Variants in BFSP2 observed in about 807,000 individuals in gnomAD.
BFSP2 encodes the protein phakinin.
Under a neutral mutation model 44.9 loss-of-function variants are expected in BFSP2, and 38 were observed. That is an observed-to-expected ratio of 0.85 (90% CI 0.65 to 1.11). The LOEUF (loss-of-function observed/expected upper bound fraction) is 1.11. BFSP2 is among the 50% of genes least tolerant of loss of function. The pLI, the probability that BFSP2 is intolerant of heterozygous loss-of-function variation, is 0.00. For synonymous variants in BFSP2, 197 were observed against 209.9 expected, an observed-to-expected ratio of 0.94 and a Z score of 0.53; for missense variants, 525 against 533.0, an observed-to-expected ratio of 0.99 and a Z score of 0.15.
chr3:133,415,264 TGCTCTACTCA>T (rs2073508972), intron 1 of BFSP2, among the ~76,000 whole-genome samples: 1 of 27,940 alleles, frequency 3.6e-5, no homozygotes, highest in East Asian at 1.2e-3. Context: ...CTGCCCCCTC[TGCTCTACTCA>T]CCCCTCTACT....
chr3:133,463,123 AC>A (rs1478941449), intron 4 of BFSP2, among the ~76,000 whole-genome samples: 7 of 152,334 alleles, frequency 4.6e-5, no homozygotes, highest in Non-Finnish European at 7.3e-5. Context: ...AGCCTGGCCA[AC>A]ATGGAGAAAC....
At chr3:133,407,151 G>A (rs1051576186) in intron 1 of BFSP2, among the ~76,000 whole-genome samples, 4 of 152,178 alleles carry the variant, frequency 2.6e-5, no homozygotes, top group Non-Finnish European at 4.4e-5. Context: ...AGAGGGTGAA[G>A]CAGGGGGATT....
intron 4 of BFSP2, among the ~76,000 whole-genome samples, chr3:133,461,858 C>G (rs1284177522): frequency 6.6e-6 from 1 of 152,232 alleles, no homozygotes; most frequent in Non-Finnish European, 1.5e-5. Flanking sequence ...AGGTCTTTAA[C>G]ACCTCTGTTG....
rs541037518 is a variant in BFSP2 at position 133,449,880 on chromosome 3, C to A, written c.730-423C>A. On this transcript the variant is annotated intron_variant, in intron 3 of 6. Transcript: ENST00000302334. The stretch of plus-strand genomic sequence containing the variant: ...CTCCAGCCTGGGTGACAGAGTGAGA[C>A]CCTGTCAAAAAAAAGAAGGAAGGAA... Among the ~76,000 whole-genome samples, 38 of 148,316 alleles carry A rather than the reference C, an allele frequency of 2.6e-4. No individual in the cohort carries two copies. The South Asian group carries it at 8.1e-3, about 32-fold the overall frequency.
chr3:133,448,957 G>T, intron 3 of BFSP2: 1 of 350,512 alleles, frequency 2.9e-6, no homozygotes, highest in Non-Finnish European at 5.4e-6. Context: ...TGCATTCTAT[G>T]TCAGGTTTTT....
At chr3:133,467,773 C>T (rs1463941664) in intron 5 of BFSP2, among the ~76,000 whole-genome samples, 1 of 152,148 alleles carries the variant, frequency 6.6e-6, no homozygotes, top group Non-Finnish European at 1.5e-5. Context: ...ACTACAGCTT[C>T]GTTGGTGCAA....
chr3:133,438,893 A>G (rs563396492), intron 1 of BFSP2, among the ~76,000 whole-genome samples: 159 of 152,356 alleles, frequency 1.0e-3, no homozygotes, highest in African/African-American at 3.7e-3. Flanking sequence ...CTACCTTTAT[A>G]TATAGTTATA....
intron 6 of BFSP2, among the ~76,000 whole-genome samples, chr3:133,474,605 A>G (rs578243154): frequency 2.9e-4 from 44 of 152,340 alleles, no homozygotes; most frequent in African/African-American, 1.0e-3. Flanking sequence ...CACAAAGTCA[A>G]TTTAAACAAA....
At chr3:133,421,383 C>A (rs11712866) in intron 1 of BFSP2, among the ~76,000 whole-genome samples, 3 of 152,088 alleles carry the variant, frequency 2.0e-5, no homozygotes, top group Non-Finnish European at 2.9e-5. Flanking sequence ...GGGAGAGAAT[C>A]GGTCCCAGGC....
chr3:133,453,408 C>T lies in BFSP2; in HGVS notation c.891+2944C>T, dbSNP rs116025461. Among the ~76,000 whole-genome samples, 447 of 152,298 alleles carry T rather than the reference C, an allele frequency of 2.9e-3. 4 individuals are homozygous for T. The highest frequency in any genetic ancestry group is 0.01 in the African/African-American group (423 of 41,552). On this transcript the variant is annotated intron_variant, in intron 4 of 6. Transcript: ENST00000302334. ...ATTAATTTATATCTTAGTTTAGGTT[C>T]CTTCAGAAGCAGATCCTGAAACAAA...
At chr3:133,448,184 T>C (rs1362493986) in intron 2 of BFSP2, among the ~76,000 whole-genome samples, 2 of 152,240 alleles carry the variant, frequency 1.3e-5, no homozygotes, top group Non-Finnish European at 2.9e-5. Flanking sequence ...AGGATAGCGA[T>C]GAAGATGCCG....
chr3:133,417,429 T>C (rs1424172019), intron 1 of BFSP2, among the ~76,000 whole-genome samples: 4 of 31,926 alleles, frequency 1.3e-4, no homozygotes, highest in African/African-American at 2.6e-4. Context: ...ACCCTCTCCC[T>C]TCTACTCACC....
chr3:133,471,367 G>A (rs1342018246), intron 5 of BFSP2, among the ~76,000 whole-genome samples: 3 of 152,136 alleles, frequency 2.0e-5, no homozygotes, highest in Non-Finnish European at 4.4e-5. Flanking sequence ...ATATACAGGA[G>A]GCCATGATGG....
chr3:133,400,638 A>G lies in BFSP2; in HGVS notation c.489+66A>G. 2.6e-6 allele frequency: 4 copies of G among 1,549,940 alleles called. No individual in the cohort carries two copies. The highest frequency in any genetic ancestry group is 3.5e-6 in the Non-Finnish European group (4 of 1,147,542). On this transcript the variant is annotated intron_variant, in intron 1 of 6. Transcript: ENST00000302334. This position sits in a 1 kb window ranked among gnomAD's most constrained non-coding sequence, Gnocchi z 4.0. Reference sequence around the variant, plus strand: ...GGAGGGGCTGCTGAAGGCAGCGGGTAGGGTTGTGAGTAGGCTGAGGCCAGA... The same window carrying G: ...GGAGGGGCTGCTGAAGGCAGCGGGTGGGGTTGTGAGTAGGCTGAGGCCAGA...
chr3:133,466,315 T>C (rs997479381), intron 4 of BFSP2, among the ~76,000 whole-genome samples: 1 of 152,134 alleles, frequency 6.6e-6, no homozygotes, highest in African/African-American at 2.4e-5. Context: ...TTGTATTTCA[T>C]TTGCAGGCAT....
intron 1 of BFSP2, chr3:133,410,358 T>C (rs569873142): frequency 2.4e-4 from 78 of 329,872 alleles, no homozygotes; most frequent in South Asian, 2.1e-3. Context: ...GACATGACTG[T>C]GACTCACATA....
chr3:133,421,610 G>A (rs2073593096), intron 1 of BFSP2, among the ~76,000 whole-genome samples: 1 of 152,218 alleles, frequency 6.6e-6, no homozygotes, highest in Non-Finnish European at 1.5e-5. Flanking sequence ...CACCTTCACA[G>A]GTACTGGGGG....
rs2073899815 is a variant in BFSP2 at position 133,446,573 on chromosome 3, TATATATATATA to T, written c.490-743_490-733del. Reference sequence around the variant, plus strand: ...ATCAGAGCCTTCAGCTCACCATTTATATATATATATATATATATATATATATATATATATAT... The same window carrying T: ...ATCAGAGCCTTCAGCTCACCATTTATTATATATATATATATATATATATAT... On this transcript the variant is annotated intron_variant, in intron 1 of 6. Coordinates refer to ENST00000302334, the MANE Select transcript of BFSP2 (RefSeq NM_003571.4). 3.8e-3 allele frequency among the ~76,000 whole-genome samples: 107 copies of T among 28,532 alleles called. 32 individuals are homozygous for T. Among genetic ancestry groups the T allele is most frequent in the East Asian group, 0.033 (12 of 366 alleles). 18.7% of individuals were successfully genotyped at this position (28,532 alleles called of 152,430 possible).
chr3:133,448,588 G>A lies in BFSP2; in HGVS notation c.672G>A (p.Glu224=). 1 of 1,614,020 alleles carries A rather than the reference G, an allele frequency of 6.2e-7. No homozygotes were observed. The highest frequency in any genetic ancestry group is 8.5e-7 in the Non-Finnish European group (1 of 1,179,990). ...DEANLTKMDL[E]SQIESLKEEL... ...CTAATTTGACTAAAATGGACCTGGAGAGTCAAATAGAAAGTCTGAAAGAAG... is the reference window on the plus strand; with the variant it reads ...CTAATTTGACTAAAATGGACCTGGAAAGTCAAATAGAAAGTCTGAAAGAAG... The change falls in exon 3 of 7, where the codon GAG becomes GAA. Residue 224 remains glutamate, a synonymous_variant. Coordinates refer to ENST00000302334, the MANE Select transcript of BFSP2 (RefSeq NM_003571.4).
Sources: gnomAD v4.1 joint callset for allele counts (sites outside exome capture counted in the v4.1 genomes callset) on GRCh38, gnomAD v4.1.1 for gene constraint, Gnocchi (gnomAD v3.1) non-coding constraint, MANE v1.5 for transcripts, NCBI Gene and HGNC (gene_info 2026-07-23, HGNC 2026-07-21) for gene names.